The following ACACA variants were observed in gnomAD, a reference collection of about 807,000 sequenced individuals.
ACACA encodes acetyl-CoA carboxylase 1.
ACACA carries 103 observed loss-of-function variants against 296.1 expected under a neutral mutation model. That is an observed-to-expected ratio of 0.35 (90% CI 0.30 to 0.41). The LOEUF (loss-of-function observed/expected upper bound fraction) is 0.41, where lower values mean the gene tolerates loss of function less well. ACACA is among the 10% of genes least tolerant of loss of function. ACACA has a pLI of 1.00. For synonymous variants in ACACA, 953 were observed against 1,038.6 expected (o/e 0.92, Z 1.58); for missense variants, 1,554 against 2,989.7 (o/e 0.52, Z 11.20).
At chr17:37,181,406 G>C in intron 39 of ACACA, 50 bp from the exon 40 acceptor site, 1 of 1,607,498 alleles carries the variant, frequency 6.2e-7, no homozygotes, top group Non-Finnish European at 8.5e-7. Context: ...AAAAAAATCA[G>C]AGAGCTGCCT....
At chr17:37,321,545 C>A (rs969594406) in intron 3 of ACACA, among the ~76,000 whole-genome samples, 2 of 151,918 alleles carry the variant, frequency 1.3e-5, no homozygotes, top group Non-Finnish European at 2.9e-5. Context: ...GTCAGGAGAT[C>A]GATACCATCC....
intron 1 of ACACA, among the ~76,000 whole-genome samples, chr17:37,349,810 C>A (rs2048813850): frequency 6.6e-6 from 1 of 152,070 alleles, no homozygotes; most frequent in African/African-American, 2.4e-5. Flanking sequence ...CCGCCTGCCT[C>A]AGCCTCCCAA....
At chr17:37,260,345 C>T (rs1317525679) in intron 11 of ACACA, among the ~76,000 whole-genome samples, 7 of 130,384 alleles carry the variant, frequency 5.4e-5, no homozygotes, top group African/African-American at 9.0e-5. Flanking sequence ...TGTCACCCAC[C>T]CAGGATGGAG....
chr17:37,189,634 G>A (rs2077669314), intron 38 of ACACA, among the ~76,000 whole-genome samples: 1 of 152,068 alleles, frequency 6.6e-6, no homozygotes. Context: ...AAAACTCAGA[G>A]AAAAGGTAAG....
At chr17:37,219,498 C>T (rs1395335094) in intron 29 of ACACA, among the ~76,000 whole-genome samples, 1 of 152,042 alleles carries the variant, frequency 6.6e-6, no homozygotes, top group Non-Finnish European at 1.5e-5. Context: ...ATGGCCCCAT[C>T]TGAAGTAGGG....
chr17:37,317,278 A>G (rs904795226), intron 3 of ACACA, among the ~76,000 whole-genome samples: 1 of 152,118 alleles, frequency 6.6e-6, no homozygotes, highest in Admixed American at 6.6e-5. Flanking sequence ...TGTATTCCTC[A>G]GTGTTTCTAT....
chr17:37,329,097 G>A, intron 3 of ACACA: 2 of 396,268 alleles, frequency 5.0e-6, no homozygotes, highest in Non-Finnish European at 8.9e-6. Flanking sequence ...CAGTTAGGGA[G>A]AACTGTGTTT....
chr17:37,181,001 T>C (rs2077297478), intron 40 of ACACA, among the ~76,000 whole-genome samples, 200 bp downstream of exon 40: 1 of 152,202 alleles, frequency 6.6e-6, no homozygotes, highest in African/African-American at 2.4e-5. Flanking sequence ...ATTCTCACCA[T>C]TCCTCTCATT....
chr17:37,326,703 C>T (rs1469020988), intron 3 of ACACA, among the ~76,000 whole-genome samples: 1 of 151,822 alleles, frequency 6.6e-6, no homozygotes, highest in African/African-American at 2.4e-5. Flanking sequence ...GTAGCGGGTG[C>T]CTGTAATCTC....
At chr17:37,242,204 A>C in intron 22 of ACACA, 151 bp from the exon 23 acceptor site, 1 of 691,682 alleles carries the variant, frequency 1.4e-6, no homozygotes. Flanking sequence ...TACCAGGCGT[A>C]GTCTATATAG....
chr17:37,313,378 T>C (rs1410987912), intron 3 of ACACA, among the ~76,000 whole-genome samples: 1 of 151,988 alleles, frequency 6.6e-6, no homozygotes, highest in Non-Finnish European at 1.5e-5. Flanking sequence ...GATATCAAAC[T>C]ATGGTTATTA....
At chr17:37,243,155 A>G (rs1342316337) in intron 22 of ACACA, among the ~76,000 whole-genome samples, 2 of 152,248 alleles carry the variant, frequency 1.3e-5, no homozygotes, top group Non-Finnish European at 2.9e-5. Context: ...ACATGATCCA[A>G]GTGTGCTTTT....
intron 45 of ACACA, among the ~76,000 whole-genome samples, chr17:37,133,390 T>G (rs1274187350): frequency 6.6e-6 from 1 of 152,218 alleles, no homozygotes; most frequent in Non-Finnish European, 1.5e-5. Flanking sequence ...TCAAGTGGTT[T>G]TAATGATTTT....
At chr17:37,201,787 T>C (rs1356004042) in intron 33 of ACACA, among the ~76,000 whole-genome samples, 1 of 152,216 alleles carries the variant, frequency 6.6e-6, no homozygotes, top group Non-Finnish European at 1.5e-5. Flanking sequence ...AGGCCAGTTC[T>C]TAACATTCAT....
At chr17:37,109,264 G>A (rs1298222657) in intron 52 of ACACA, among the ~76,000 whole-genome samples, 1 of 152,110 alleles carries the variant, frequency 6.6e-6, no homozygotes. Context: ...TTTCACATGT[G>A]GGACTGAGCC....
At chr17:37,253,556 G>A (rs1041393122) in intron 14 of ACACA, among the ~76,000 whole-genome samples, 14 of 152,010 alleles carry the variant, frequency 9.2e-5, no homozygotes, top group Admixed American at 3.9e-4. Context: ...GTCAGAAAAC[G>A]TATGAATTCT....
At chr17:37,166,876 AATT>A (rs1352784060) in intron 41 of ACACA, among the ~76,000 whole-genome samples, 1 of 152,230 alleles carries the variant, frequency 6.6e-6, no homozygotes, top group African/African-American at 2.4e-5. Context: ...AGGTAGCTGT[AATT>A]ATTGCCATGA....
At chr17:37,145,075 T>A (rs971897141) in intron 45 of ACACA, among the ~76,000 whole-genome samples, 2 of 152,186 alleles carry the variant, frequency 1.3e-5, no homozygotes, top group Non-Finnish European at 2.9e-5. Context: ...ATACTAGCTC[T>A]TCCCAGCCTA....
rs375490540 is a variant in ACACA, at chr17:37,276,006, T to C, written c.846A>G (p.Ala282=). The C allele has an allele frequency of 1.2e-6, 2 of 1,614,212 alleles. No homozygotes were observed. The highest frequency in any genetic ancestry group is 1.7e-4 in the Middle Eastern group (1 of 6,060). ...CTGCAGTTTGAGCCACTATGGAAGA[T>C]GCAATCTTATCCCCTAAAGCCCACA... The part of the protein sequence containing the change: ...QAMWALGDKI[A]SSIVAQTAGI... The change falls in exon 8 of 56, where the codon GCA becomes GCG. Residue 282 remains alanine (A), a synonymous_variant. Coordinates refer to ENST00000616317, the MANE Select transcript of ACACA (RefSeq NM_198834.3).
Sources: gnomAD v4.1 joint callset for allele counts (sites outside exome capture counted in the v4.1 genomes callset) on GRCh38, gnomAD v4.1.1 for gene constraint, MANE v1.5 for transcripts, NCBI Gene and HGNC (gene_info 2026-07-23, HGNC 2026-07-21) for gene names.